RBFOX1: variants seen among roughly 807,000 people sequenced by gnomAD.
RBFOX1 encodes RNA binding fox-1 homolog 1.
A neutral mutation model predicts 57.7 loss-of-function variants in RBFOX1; 8 were observed. That is an observed-to-expected ratio of 0.14 (90% CI 0.08 to 0.25). The LOEUF (loss-of-function observed/expected upper bound fraction) is 0.25. Ranked by LOEUF, RBFOX1 falls within the 10% of genes least tolerant of loss-of-function variation. The pLI, the probability that RBFOX1 is intolerant of heterozygous loss-of-function variation, is 1.00. For missense variants in RBFOX1, 611 were observed against 548.5 expected (o/e 1.11, Z -1.14); for synonymous variants, 326 against 222.4 (o/e 1.47, Z -4.15).
At chr16:7,666,695 T>A (rs1042660040) in intron 13 of RBFOX1, among the ~76,000 whole-genome samples, 2 of 152,078 alleles carry the variant, frequency 1.3e-5, no homozygotes, top group African/African-American at 2.4e-5. Context: ...CATCAGAGAA[T>A]CCACAGAGCA....
intron 1 of RBFOX1, among the ~76,000 whole-genome samples, chr16:6,254,465 G>C (rs1364670000): frequency 6.6e-6 from 1 of 152,194 alleles, no homozygotes; most frequent in Non-Finnish European, 1.5e-5. Context: ...CAGAGTAGCA[G>C]AGTGCTTAAG....
chr16:6,986,145 T>A (rs1039773365), intron 3 of RBFOX1, among the ~76,000 whole-genome samples: 5 of 139,348 alleles, frequency 3.6e-5, no homozygotes, highest in African/African-American at 5.7e-5. Flanking sequence ...ACTTGTACAA[T>A]AACCCTTATA....
chr16:7,702,994 C>G (rs1418485699), intron 14 of RBFOX1, among the ~76,000 whole-genome samples: 1 of 152,158 alleles, frequency 6.6e-6, no homozygotes, highest in Non-Finnish European at 1.5e-5. Context: ...GCACCCCAAC[C>G]AGGGGGGTAG....
At chr16:6,352,177 C>A (rs890668046) in intron 2 of RBFOX1, among the ~76,000 whole-genome samples, 2 of 152,158 alleles carry the variant, frequency 1.3e-5, no homozygotes, top group African/African-American at 4.8e-5. Context: ...CCTCCCAGCC[C>A]TATATTCTCT....
chr16:6,715,180 A>G (rs757104584), intron 3 of RBFOX1, among the ~76,000 whole-genome samples: 3 of 152,198 alleles, frequency 2.0e-5, no homozygotes, highest in Non-Finnish European at 2.9e-5. Flanking sequence ...CTCCTCACTC[A>G]TAATGAATTT....
chr16:7,204,764 C>A (rs2089557784), intron 4 of RBFOX1, among the ~76,000 whole-genome samples: 1 of 152,120 alleles, frequency 6.6e-6, no homozygotes. Flanking sequence ...CCCCTCTCCC[C>A]AATCCTTTCT....
chr16:6,069,046 G>T (rs1596961682), intron 1 of RBFOX1, among the ~76,000 whole-genome samples: 1 of 152,092 alleles, frequency 6.6e-6, no homozygotes, highest in African/African-American at 2.4e-5. Flanking sequence ...GAAAGGAAGG[G>T]AAGGAGAGAA....
At chr16:7,439,425 C>A (rs1006164681) in intron 4 of RBFOX1, among the ~76,000 whole-genome samples, 1 of 151,884 alleles carries the variant, frequency 6.6e-6, no homozygotes, top group Non-Finnish European at 1.5e-5. Context: ...GGCATCCATT[C>A]ACTTTAAGAA....
intron 2 of RBFOX1, among the ~76,000 whole-genome samples, chr16:6,414,306 T>C (rs2093558918): frequency 6.6e-6 from 1 of 152,220 alleles, no homozygotes; most frequent in African/African-American, 2.4e-5. Context: ...CTTATATATG[T>C]ATATGCAATT....
intron 14 of RBFOX1, among the ~76,000 whole-genome samples, chr16:7,689,876 G>C (rs2076948206): frequency 6.6e-6 from 1 of 152,050 alleles, no homozygotes; most frequent in African/African-American, 2.4e-5. Flanking sequence ...ACTCTTAGAA[G>C]GCATCTAGAA....
At chr16:5,859,030 C>T (rs2151882759) in intron 3 of RBFOX1, among the ~76,000 whole-genome samples, 1 of 152,228 alleles carries the variant, frequency 6.6e-6, no homozygotes, top group East Asian at 1.9e-4. Flanking sequence ...CATGGTGAAA[C>T]CCCATCTCTA....
At chr16:6,750,213 TG>T (rs1331406806) in intron 3 of RBFOX1, among the ~76,000 whole-genome samples, 1 of 152,208 alleles carries the variant, frequency 6.6e-6, no homozygotes, top group African/African-American at 2.4e-5. Context: ...TATTGAATTG[TG>T]GGCTCTACCT....
intron 4 of RBFOX1, among the ~76,000 whole-genome samples, chr16:7,409,581 T>G (rs2098401832): frequency 6.6e-6 from 1 of 152,214 alleles, no homozygotes; most frequent in Non-Finnish European, 1.5e-5. Flanking sequence ...TGAATATGTA[T>G]GTGTGCGTAA....
chr16:7,034,756 TG>T (rs2043799278), intron 3 of RBFOX1, among the ~76,000 whole-genome samples: 2 of 150,832 alleles, frequency 1.3e-5, no homozygotes, highest in South Asian at 4.2e-4. Context: ...ACCTGGGGTT[TG>T]GGGGAGGGGT....
chr16:6,977,947 A>AAAAAAAATAAAT (rs57981662), intron 3 of RBFOX1, among the ~76,000 whole-genome samples: 1 of 146,066 alleles, frequency 6.8e-6, no homozygotes, highest in Non-Finnish European at 1.5e-5. Flanking sequence ...GAAAAAAAAA[A>AAAAAAAATAAAT]AAAAGGCAAA....
chr16:6,052,507 G>T (rs372350476), intron 1 of RBFOX1, among the ~76,000 whole-genome samples: 5 of 151,964 alleles, frequency 3.3e-5, no homozygotes, highest in East Asian at 1.9e-4. Flanking sequence ...TGCCTAGGCC[G>T]GGCGCGGTGG....
chr16:7,536,734 A>G (rs939427278), intron 5 of RBFOX1, among the ~76,000 whole-genome samples: 12 of 152,340 alleles, frequency 7.9e-5, no homozygotes, highest in African/African-American at 2.9e-4. Flanking sequence ...GTGATTGTCG[A>G]TTGTATATGT....
At chr16:6,147,621 C>G (rs1158134023) in intron 1 of RBFOX1, among the ~76,000 whole-genome samples, 1 of 152,016 alleles carries the variant, frequency 6.6e-6, no homozygotes, top group Non-Finnish European at 1.5e-5. Context: ...AATTGATTTT[C>G]AAGATGCCAT....
chr16:7,138,073 G>T (rs928696633), intron 4 of RBFOX1, among the ~76,000 whole-genome samples: 1 of 152,148 alleles, frequency 6.6e-6, no homozygotes, highest in African/African-American at 2.4e-5. Context: ...ATGAAGCAAT[G>T]TTTGGAGAGA....
Sources: allele counts gnomAD v4.1 joint callset (sites outside exome capture counted in the v4.1 genomes callset), GRCh38; gene constraint gnomAD v4.1.1; transcripts MANE v1.5; gene names NCBI Gene and HGNC (gene_info 2026-07-23, HGNC 2026-07-21).